The following NTRK1 variants were observed in gnomAD, a reference collection of about 807,000 sequenced individuals.
NTRK1 encodes the protein neurotrophic receptor tyrosine kinase 1.
In NTRK1, 62 loss-of-function variants were observed where a neutral mutation model predicts 86.8. The observed-to-expected ratio is 0.71, with a 90% CI of 0.58 to 0.88. The LOEUF is 0.88. NTRK1 is among the 40% of genes least tolerant of loss of function. NTRK1 has a pLI of 0.00. For missense variants in NTRK1, 967 were observed against 1,078.4 expected, an observed-to-expected ratio of 0.90 and a Z score of 1.45; for synonymous variants, 469 against 456.6, an observed-to-expected ratio of 1.03 and a Z score of -0.35.
At position 156,861,164 on chromosome 1, in the gene NTRK1, G is replaced by C; in HGVS notation, c.212+18G>C. 6.5e-7 allele frequency: 1 copy of C among 1,544,906 alleles called. No homozygotes were observed. The highest frequency in any genetic ancestry group is 8.7e-7 in the Non-Finnish European group (1 of 1,149,412). ...ACTGAGCTGTGAGTGTCCGGCGGGC[G>C]GTGGGGGGGCGCGGGGACAGGCAGG... is the stretch of plus-strand genomic sequence containing the variant. On this transcript the variant is annotated intron_variant, in intron 1 of 16. Coordinates refer to ENST00000524377, the MANE Select transcript of NTRK1 (RefSeq NM_002529.4).
At chr1:156,852,203 G>A in intron 2 of NTRK1, 2 of 1,577,912 alleles carry the variant, frequency 1.3e-6, no homozygotes, top group South Asian at 2.4e-5. Flanking sequence ...TGTGGGGAGA[G>A]TGGTGTGTTA....
chr1:156,873,075 G>A (rs1342915568), intron 7 of NTRK1, among the ~76,000 whole-genome samples: 1 of 135,346 alleles, frequency 7.4e-6, no homozygotes, highest in Non-Finnish European at 1.6e-5. Context: ...GAAGAGATGG[G>A]GTCTCAGCCT....
intron 1 of NTRK1, among the ~76,000 whole-genome samples, chr1:156,836,112 T>C (rs1464800485): frequency 6.6e-6 from 1 of 152,152 alleles, no homozygotes; most frequent in Non-Finnish European, 1.5e-5. Flanking sequence ...CCCCTCCTCC[T>C]GTCCAGTTCT....
At chr1:156,878,928 C>T (rs934630431) in intron 14 of NTRK1, among the ~76,000 whole-genome samples, 194 bp from the exon 15 acceptor site, 4 of 152,138 alleles carry the variant, frequency 2.6e-5, no homozygotes, top group African/African-American at 9.7e-5. Flanking sequence ...CTGGTGGGAG[C>T]CCTGGAGGTG....
At chr1:156,815,972 C>A (rs1406280167) in intron 1 of NTRK1, 4 of 1,490,652 alleles carry the variant, frequency 2.7e-6, no homozygotes, top group Non-Finnish European at 3.6e-6. Flanking sequence ...GATGAGGGAG[C>A]TGCACCACGC....
chr1:156,843,627 A>G (rs1172782893), intron 2 of NTRK1: 16 of 811,834 alleles, frequency 2.0e-5, no homozygotes, highest in Non-Finnish European at 3.3e-5. Context: ...GGGATCCCTA[A>G]GTACCCTCCA....
Position 156,876,307 on chromosome 1 carries a change from A to T in NTRK1, c.1633-93A>T, listed in dbSNP as rs1468228242. On this transcript the variant is annotated intron_variant, in intron 13 of 16. Transcript: ENST00000524377. Reference sequence around the variant, plus strand: ...GTGGGGGGAGATGCAGAGGGCTGACATGGCTGGATACCGGGGTGGGCGGGC... The same window carrying T: ...GTGGGGGGAGATGCAGAGGGCTGACTTGGCTGGATACCGGGGTGGGCGGGC... 3.1e-6 allele frequency: 5 copies of T among 1,609,328 alleles called. No individual in the cohort carries two copies. The African/African-American group carries it at 6.7e-5, about 22-fold the overall frequency.
intron 2 of NTRK1, among the ~76,000 whole-genome samples, chr1:156,848,552 C>T (rs1261084355): frequency 6.6e-6 from 1 of 152,164 alleles, no homozygotes; most frequent in East Asian, 1.9e-4. Context: ...CAGAGCTGCT[C>T]ATAAAACTGG....
intron 2 of NTRK1, chr1:156,849,038 C>A (rs1211204835): frequency 1.2e-6 from 2 of 1,612,994 alleles, no homozygotes; most frequent in East Asian, 4.5e-5. Context: ...GCGCAGGGTG[C>A]GAGTCTGGCC....
intron 1 of NTRK1, among the ~76,000 whole-genome samples, chr1:156,839,527 GTC>G (rs1312622142): frequency 3.9e-5 from 6 of 152,372 alleles, no homozygotes; most frequent in African/African-American, 1.4e-4. Flanking sequence ...CCTCAATGGT[GTC>G]TCTACACGTG....
At position 156,854,386 on chromosome 1, in the gene NTRK1, A is replaced by G; in HGVS notation, c.51-9968A>G. ...GCCCTGGCAGCTTTGGAGGGGAGCCACACTGGCAGTAGGACAATGAGTGAG... is the reference window on the plus strand; with the variant it reads ...GCCCTGGCAGCTTTGGAGGGGAGCCGCACTGGCAGTAGGACAATGAGTGAG... On this transcript the variant is annotated intron_variant, in intron 2 of 16. Coordinates refer to the NTRK1 transcript ENST00000392302. This position sits in a 1 kb window ranked among gnomAD's most constrained non-coding sequence, Gnocchi z 4.2. The G allele has an allele frequency of 1.5e-6, 2 of 1,344,628 alleles. No individual in the cohort carries two copies. The highest frequency in any genetic ancestry group is 2.5e-5 in the East Asian group (1 of 40,048). 83.3% of individuals were successfully genotyped at this position (1,344,628 alleles called of 1,614,324 possible). A position where few individuals can be genotyped will look rare whatever the true frequency, so the allele number is the denominator to read the frequency against.
chr1:156,841,920 G>A (rs1654804184), intron 1 of NTRK1: 1 of 1,564,906 alleles, frequency 6.4e-7, no homozygotes, highest in Non-Finnish European at 8.8e-7. Flanking sequence ...GAAAGTAGGG[G>A]CTCAATGGAC....
chr1:156,828,622 G>A (rs1348181104), intron 1 of NTRK1, among the ~76,000 whole-genome samples: 1 of 152,236 alleles, frequency 6.6e-6, no homozygotes, highest in Non-Finnish European at 1.5e-5. Flanking sequence ...AGGCACCCGC[G>A]TGGACGAGGA....
intron 1 of NTRK1, among the ~76,000 whole-genome samples, chr1:156,818,698 C>T (rs1654097409): frequency 6.6e-6 from 1 of 152,086 alleles, no homozygotes; most frequent in African/African-American, 2.4e-5. Flanking sequence ...GCAGATATAC[C>T]ACATTTTCTT....
In NTRK1 at chr1:156,842,911, A is replaced by G; in HGVS notation, c.50+718A>G. On this transcript the variant is annotated intron_variant, in intron 2 of 16. Coordinates refer to the NTRK1 transcript ENST00000392302. ...AACCATGGTCCCAATCTTGACCTTA[A>G]TGGTGCCCTAACCTCATCTCTGACC... The G allele has an allele frequency of 3.1e-6, 3 of 973,984 alleles. No homozygotes were observed. In the South Asian group the frequency reaches 4.7e-5, roughly 15 times the overall value. The allele number at this position is 973,984 out of a possible 1,614,324, so 60.3% of individuals were successfully genotyped here. A position where few individuals can be genotyped will look rare whatever the true frequency, so the allele number is the denominator to read the frequency against.
At chr1:156,845,002 T>A in intron 2 of NTRK1, 1 of 1,535,624 alleles carries the variant, frequency 6.5e-7, no homozygotes, top group South Asian at 1.2e-5. Flanking sequence ...TAGCGAGAAG[T>A]CAAACCCCAA....
At chr1:156,840,116 AG>A (rs1654717417) in intron 1 of NTRK1, 1 of 5,088 alleles carries the variant, frequency 2.0e-4, no homozygotes, top group South Asian at 5.3e-3. Context: ...CATGAGAGGC[AG>A]GGGTGGGGGC....
chr1:156,849,103 A>T, intron 2 of NTRK1: 1 of 1,599,240 alleles, frequency 6.3e-7, no homozygotes, highest in Non-Finnish European at 8.5e-7. Flanking sequence ...TTGAGCGCCC[A>T]CCCTGACCCC....
chr1:156,871,566 C>T, intron 6 of NTRK1, 57 bp from the exon 7 acceptor site: 2 of 1,605,718 alleles, frequency 1.2e-6, no homozygotes, highest in Non-Finnish European at 8.5e-7. Flanking sequence ...AGACTTCAGC[C>T]CCAGCCCCAA....
Sources: allele counts gnomAD v4.1 joint callset (sites outside exome capture counted in the v4.1 genomes callset), GRCh38; gene constraint gnomAD v4.1.1; non-coding constraint Gnocchi (gnomAD v3.1); transcripts MANE v1.5; gene names NCBI Gene and HGNC (gene_info 2026-07-23, HGNC 2026-07-21).